The following NWD2 variants were observed in gnomAD, a reference collection of about 807,000 sequenced individuals.
NWD2 encodes the protein NACHT and WD repeat domain containing 2, also known as NACHT and WD repeat domain-containing protein 2.
NWD2 carries 37 observed loss-of-function variants against 132.7 expected under a neutral mutation model. The observed-to-expected ratio is 0.28, with a 90% CI of 0.21 to 0.37. The LOEUF is 0.37. NWD2 is among the 10% of genes least tolerant of loss of function. The probability of loss-of-function intolerance (pLI) is 1.00; values close to 1 mark genes in which losing one functional copy is unlikely to be tolerated. For missense variants in NWD2, 1,592 were observed against 2,122.4 expected (o/e 0.75, Z 4.91); for synonymous variants, 705 against 803.0 (o/e 0.88, Z 2.06).
intron 1 of NWD2, among the ~76,000 whole-genome samples, chr4:37,283,016 G>A (rs964020355): frequency 6.6e-6 from 1 of 152,130 alleles, no homozygotes; most frequent in African/African-American, 2.4e-5. Context: ...AGGTCATAAA[G>A]CTGGTGTGTT....
chr4:37,425,651 T>G (rs1034058921), intron 3 of NWD2, among the ~76,000 whole-genome samples: 7 of 152,226 alleles, frequency 4.6e-5, no homozygotes, highest in Non-Finnish European at 7.3e-5. Flanking sequence ...AAAGTGGACT[T>G]CAATGCAAAA....
intron 3 of NWD2, among the ~76,000 whole-genome samples, chr4:37,394,799 G>GTTTTGTTTTTTTT (rs1720747038): frequency 1.9e-5 from 1 of 52,596 alleles, no homozygotes; most frequent in African/African-American, 7.7e-5. Flanking sequence ...AACCTTTATG[G>GTTTTGTTTTTTTT]TTTTTTTTTT....
chr4:37,370,427 G>A lies in NWD2; in HGVS notation c.357+13945G>A, dbSNP rs138095285. ...ATCCCTTTACACAAATGGATTGACC[G>A]CTGTACATTCCCTTAAGAGTAAAAT... On this transcript the variant is annotated intron_variant, in intron 3 of 6. Coordinates refer to ENST00000309447, the MANE Select transcript of NWD2 (RefSeq NM_001144990.2). Among the ~76,000 whole-genome samples the A allele has an allele frequency of 2.4e-3, 371 of 152,214 alleles. 11 individuals are homozygous for A. The East Asian group carries it at 0.051, about 21-fold the overall frequency.
chr4:37,256,525 T>G (rs1717522940), intron 1 of NWD2, among the ~76,000 whole-genome samples: 1 of 152,180 alleles, frequency 6.6e-6, no homozygotes, highest in African/African-American at 2.4e-5. Flanking sequence ...GATGATATTC[T>G]AGAAGACTCT....
intron 1 of NWD2, among the ~76,000 whole-genome samples, chr4:37,295,709 A>G (rs1359441275): frequency 6.6e-6 from 1 of 152,114 alleles, no homozygotes; most frequent in East Asian, 1.9e-4. Flanking sequence ...GGGTTTCCAA[A>G]TGTGTCTAAG....
At chr4:37,273,461 G>C (rs1717915236) in intron 1 of NWD2, among the ~76,000 whole-genome samples, 1 of 152,038 alleles carries the variant, frequency 6.6e-6, no homozygotes, top group East Asian at 1.9e-4. Context: ...AAGAGATTTA[G>C]ACTCCCACAC....
Position 37,443,767 on chromosome 4 carries a change from A to G in NWD2, c.1779A>G (p.Thr593=), listed in dbSNP as rs774526149. ...HQLLRVKRKV[T]SGQQIYVNNA... is the part of the protein sequence containing the mutation. ...TGCTGCGCGTCAAAAGGAAGGTCAC[A>G]TCAGGCCAGCAGATTTATGTGAACA... is the stretch of plus-strand genomic sequence containing the variant. The change falls in exon 7 of 7, where the codon ACA becomes ACG. Residue 593 remains threonine, a synonymous_variant. Coordinates refer to ENST00000309447, the MANE Select transcript of NWD2 (RefSeq NM_001144990.2). This position sits in a 1 kb window ranked among gnomAD's most constrained non-coding sequence, Gnocchi z 4.1. 2 of 1,552,062 alleles carry G rather than the reference A, an allele frequency of 1.3e-6. No individual in the cohort carries two copies. Among genetic ancestry groups the G allele is most frequent in the African/African-American group, 1.4e-5 (1 of 73,170 alleles).
At chr4:37,423,428 C>T (rs1711882239) in intron 3 of NWD2, among the ~76,000 whole-genome samples, 1 of 152,274 alleles carries the variant, frequency 6.6e-6, no homozygotes, top group Non-Finnish European at 1.5e-5. Flanking sequence ...TGGAGTCTGA[C>T]AAGCCCCATG....
At chr4:37,289,202 C>T (rs1324756899) in intron 1 of NWD2, among the ~76,000 whole-genome samples, 1 of 152,164 alleles carries the variant, frequency 6.6e-6, no homozygotes, top group Non-Finnish European at 1.5e-5. Context: ...ATACCACCAA[C>T]ATGGTTGTAG....
Position 37,253,008 on chromosome 4 carries a change from C to G in NWD2, c.151+7790C>G, listed in dbSNP as rs1034305139. On this transcript the variant is annotated intron_variant, in intron 1 of 6. Coordinates refer to ENST00000309447, the MANE Select transcript of NWD2 (RefSeq NM_001144990.2). ...ACTTTAAAAATTACCACAACCCCCC[C>G]CCCTTATGTTTTGCAGTTTCTTTGA... Among the ~76,000 whole-genome samples, 5 of 151,468 alleles carry G rather than the reference C, an allele frequency of 3.3e-5. No homozygotes were observed. The East Asian group carries it at 7.9e-4, about 24-fold the overall frequency.
intron 1 of NWD2, among the ~76,000 whole-genome samples, chr4:37,274,354 A>G (rs1366692072): frequency 6.6e-6 from 1 of 152,206 alleles, no homozygotes; most frequent in Non-Finnish European, 1.5e-5. Flanking sequence ...ATTCCTCGAC[A>G]CATACACCCT....
At chr4:37,299,077 T>A (rs1261165448) in intron 1 of NWD2, among the ~76,000 whole-genome samples, 1 of 152,168 alleles carries the variant, frequency 6.6e-6, no homozygotes, top group African/African-American at 2.4e-5. Flanking sequence ...TCTCTTCAAA[T>A]CTCTCATTTG....
At chr4:37,403,518 G>T (rs532421024) in intron 3 of NWD2, among the ~76,000 whole-genome samples, 3 of 152,286 alleles carry the variant, frequency 2.0e-5, no homozygotes, top group East Asian at 1.9e-4. Context: ...AGTTTCCCCA[G>T]TGGAGACGAT....
At chr4:37,374,023 A>G (rs1227046172) in intron 3 of NWD2, among the ~76,000 whole-genome samples, 2 of 152,186 alleles carry the variant, frequency 1.3e-5, no homozygotes, top group Middle Eastern at 6.3e-3. Context: ...GGGTGGTGAT[A>G]TAGTTTGGAT....
At chr4:37,390,611 G>A (rs1393393279) in intron 3 of NWD2, among the ~76,000 whole-genome samples, 1 of 152,100 alleles carries the variant, frequency 6.6e-6, no homozygotes, top group East Asian at 1.9e-4. Flanking sequence ...AACCTACTCA[G>A]GCGATTATCT....
intron 3 of NWD2, among the ~76,000 whole-genome samples, chr4:37,411,607 A>C (rs566790663): frequency 1.5e-4 from 23 of 152,218 alleles, no homozygotes; most frequent in Non-Finnish European, 2.5e-4. Context: ...CAAAAGAAAA[A>C]GAGGGAATCC....
chr4:37,440,616 C>G (rs1712454782), intron 6 of NWD2, among the ~76,000 whole-genome samples: 1 of 152,158 alleles, frequency 6.6e-6, no homozygotes, highest in South Asian at 2.1e-4. Context: ...AGAGAAACAA[C>G]CCGCAGCACC....
rs1329738455 is a variant in NWD2, at chr4:37,394,811, T to TTGTTTTTTTTTG, written c.358-35760_358-35759insGTTTTTTTTTGT. Among the ~76,000 whole-genome samples the TTGTTTTTTTTTG allele has an allele frequency of 1.7e-5, 2 of 120,782 alleles. 1 individual carries two copies. Among genetic ancestry groups the TTGTTTTTTTTTG allele is most frequent in the Non-Finnish European group, 3.5e-5 (2 of 57,870 alleles). The allele number at this position is 120,782 out of a possible 152,430, so 79.2% of individuals were successfully genotyped here. A position where few individuals can be genotyped will look rare whatever the true frequency, so the allele number is the denominator to read the frequency against. ...GTGAACCTTTATGGTTTTTTTTTTT[T>TTGTTTTTTTTTG]TTTTTTTTTTTTTTTTTGAGGCAGA... On this transcript the variant is annotated intron_variant, in intron 3 of 6. Coordinates refer to ENST00000309447, the MANE Select transcript of NWD2 (RefSeq NM_001144990.2).
intron 1 of NWD2, among the ~76,000 whole-genome samples, chr4:37,290,004 C>T (rs183407123): frequency 3.9e-5 from 6 of 152,224 alleles, no homozygotes; most frequent in East Asian, 3.9e-4. Flanking sequence ...GAGGCTATTT[C>T]GCTTCTCTTC....
Sources: gnomAD v4.1 joint callset for allele counts (sites outside exome capture counted in the v4.1 genomes callset) on GRCh38, gnomAD v4.1.1 for gene constraint, Gnocchi (gnomAD v3.1) non-coding constraint, MANE v1.5 for transcripts, NCBI Gene and HGNC (gene_info 2026-07-23, HGNC 2026-07-21) for gene names.